Variants in TASP1 observed in about 807,000 individuals in gnomAD.
The protein encoded by TASP1 is threonine aspartase 1.
TASP1 carries 16 observed loss-of-function variants against 56.6 expected under a neutral mutation model. That is an observed-to-expected ratio of 0.28 (90% CI 0.19 to 0.43). The LOEUF (loss-of-function observed/expected upper bound fraction) is 0.43. TASP1 is among the 20% of genes least tolerant of loss of function. The pLI is 1.00. For synonymous variants in TASP1, 179 were observed against 184.2 expected, an observed-to-expected ratio of 0.97 and a Z score of 0.23; for missense variants, 393 against 511.6, an observed-to-expected ratio of 0.77 and a Z score of 2.24.
At chr20:13,550,852 T>G (rs772410096) in intron 8 of TASP1, among the ~76,000 whole-genome samples, 1 of 152,148 alleles carries the variant, frequency 6.6e-6, no homozygotes, top group Non-Finnish European at 1.5e-5. Flanking sequence ...CACAGACAAG[T>G]ACAAATGGAA....
chr20:13,561,054 T>C (rs2046328620), intron 7 of TASP1, among the ~76,000 whole-genome samples: 1 of 152,208 alleles, frequency 6.6e-6, no homozygotes. Flanking sequence ...TGGGTTGATA[T>C]ATTCAAAGTG....
At chr20:13,566,357 G>A (rs1004558424) in intron 7 of TASP1, among the ~76,000 whole-genome samples, 2 of 151,776 alleles carry the variant, frequency 1.3e-5, no homozygotes, top group Admixed American at 1.3e-4. Flanking sequence ...ATTTTAAAAA[G>A]AACTACAAAA....
At chr20:13,464,085 T>A (rs192043172) in intron 11 of TASP1, among the ~76,000 whole-genome samples, 106 of 152,260 alleles carry the variant, frequency 7.0e-4, no homozygotes, top group African/African-American at 2.4e-3. Flanking sequence ...CAGCCAAAGG[T>A]GTTATTCACA....
the TASP1 span, among the ~76,000 whole-genome samples, chr20:13,311,777 G>A: frequency 6.6e-6 from 1 of 152,154 alleles, no homozygotes; most frequent in Non-Finnish European, 1.5e-5. Flanking sequence ...GTAACCAGGG[G>A]CTTGGGAGGC....
intron 11 of TASP1, among the ~76,000 whole-genome samples, chr20:13,478,964 T>A (rs748704775): frequency 5.3e-5 from 8 of 152,140 alleles, no homozygotes; most frequent in Non-Finnish European, 1.0e-4. Flanking sequence ...GCTATAAAAC[T>A]ATATATACTG....
At chr20:13,137,290 C>T in the TASP1 span, among the ~76,000 whole-genome samples, 1 of 152,098 alleles carries the variant, frequency 6.6e-6, no homozygotes, top group Non-Finnish European at 1.5e-5. Context: ...GAAGTTGTTG[C>T]CTTGGCTGTA....
chr20:13,310,822 T>G, the TASP1 span, among the ~76,000 whole-genome samples: 2 of 152,184 alleles, frequency 1.3e-5, no homozygotes. Context: ...AGTTGCTCAA[T>G]GTCACTAACC....
At chr20:13,395,646 T>G (rs374849975) in intron 13 of TASP1, among the ~76,000 whole-genome samples, 3 of 152,110 alleles carry the variant, frequency 2.0e-5, no homozygotes, top group Admixed American at 6.5e-5. Flanking sequence ...CTTACATCCT[T>G]GCATTGTGAA....
intron 8 of TASP1, among the ~76,000 whole-genome samples, chr20:13,547,794 A>T (rs1204946705): frequency 6.6e-6 from 1 of 152,162 alleles, no homozygotes; most frequent in Non-Finnish European, 1.5e-5. Context: ...CTAAAAAGAA[A>T]CAAGAAAAAA....
At chr20:13,444,198 T>C (rs980983561) in intron 11 of TASP1, among the ~76,000 whole-genome samples, 3 of 152,156 alleles carry the variant, frequency 2.0e-5, no homozygotes, top group Admixed American at 6.5e-5. Context: ...AGCCAAAACA[T>C]CAGAGTTCCT....
At chr20:13,123,624 T>C in the TASP1 span, among the ~76,000 whole-genome samples, 1 of 152,136 alleles carries the variant, frequency 6.6e-6, no homozygotes, top group Admixed American at 6.5e-5. Context: ...CAGTTCCTCA[T>C]CCCCTTGTCT....
chr20:13,381,855 A>AT, the TASP1 span, among the ~76,000 whole-genome samples: 1 of 152,156 alleles, frequency 6.6e-6, no homozygotes, highest in South Asian at 2.1e-4. Flanking sequence ...TTTATACATG[A>AT]TTTGCGGGGC....
intron 11 of TASP1, among the ~76,000 whole-genome samples, chr20:13,473,401 G>A (rs1345905990): frequency 6.6e-6 from 1 of 152,026 alleles, no homozygotes; most frequent in African/African-American, 2.4e-5. Flanking sequence ...ACGAGTTAAT[G>A]GGTGCAGCAA....
the TASP1 span, among the ~76,000 whole-genome samples, chr20:13,163,016 A>C: frequency 6.6e-6 from 1 of 152,158 alleles, no homozygotes; most frequent in Non-Finnish European, 1.5e-5. Flanking sequence ...ATGCAATACC[A>C]ATATATTACG....
chr20:13,594,578 C>T (rs75174885), intron 4 of TASP1, among the ~76,000 whole-genome samples: 150 of 152,106 alleles, frequency 9.9e-4, no homozygotes, highest in Non-Finnish European at 1.2e-3. Context: ...TTGTGACACA[C>T]GCACAATCTT....
the TASP1 span, among the ~76,000 whole-genome samples, chr20:13,316,667 TA>T: frequency 6.6e-6 from 1 of 150,648 alleles, no homozygotes; most frequent in African/African-American, 2.4e-5. Context: ...TATCAACTGC[TA>T]AAAAAGAAAG....
the TASP1 span, among the ~76,000 whole-genome samples, chr20:13,122,576 T>C: frequency 2.0e-5 from 3 of 152,322 alleles, no homozygotes; most frequent in East Asian, 1.9e-4. Context: ...TGTGTAAACT[T>C]TTCTGTGATT....
chr20:13,111,156 C>G, the TASP1 span, among the ~76,000 whole-genome samples: 1 of 152,108 alleles, frequency 6.6e-6, no homozygotes, highest in Admixed American at 6.5e-5. Flanking sequence ...AACTCCAGTA[C>G]TTCTGCCCCC....
the TASP1 span, among the ~76,000 whole-genome samples, chr20:13,302,665 T>C: frequency 6.6e-6 from 1 of 152,136 alleles, no homozygotes; most frequent in African/African-American, 2.4e-5. Flanking sequence ...CTCGTTGCAG[T>C]CCTTGTAAAT....
Sources: gnomAD v4.1 joint callset for allele counts (sites outside exome capture counted in the v4.1 genomes callset) on GRCh38, gnomAD v4.1.1 for gene constraint, MANE v1.5 for transcripts, NCBI Gene and HGNC (gene_info 2026-07-23, HGNC 2026-07-21) for gene names.